SLC4A7: variants seen among roughly 807,000 people sequenced by gnomAD.
The protein encoded by SLC4A7 is solute carrier family 4 member 7, also known as sodium bicarbonate cotransporter 3.
SLC4A7 carries 51 observed loss-of-function variants against 137.6 expected under a neutral mutation model. The ratio of observed to expected loss-of-function variants is 0.37; its 90% CI spans 0.30 to 0.47. The LOEUF is 0.47. SLC4A7 is among the 20% of genes least tolerant of loss of function. The pLI, the probability that SLC4A7 is intolerant of heterozygous loss-of-function variation, is 1.00. For synonymous variants in SLC4A7, 542 were observed against 518.6 expected (o/e 1.05, Z -0.61); for missense variants, 1,247 against 1,525.4 (o/e 0.82, Z 3.04).
At chr3:27,438,158 C>G (rs112014088) in intron 3 of SLC4A7, among the ~76,000 whole-genome samples, 1 of 146,740 alleles carries the variant, frequency 6.8e-6, no homozygotes, top group Non-Finnish European at 1.5e-5. Context: ...GATTGTGCCA[C>G]TGCACTCCAG....
At chr3:27,447,250 G>A (rs985114006) in intron 3 of SLC4A7, among the ~76,000 whole-genome samples, 1 of 151,782 alleles carries the variant, frequency 6.6e-6, no homozygotes, top group Non-Finnish European at 1.5e-5. Context: ...TCTATAAAAT[G>A]AATTTAATAT....
intron 3 of SLC4A7, among the ~76,000 whole-genome samples, chr3:27,448,216 CA>C (rs34846975): frequency 0.064 from 6,714 of 104,284 alleles, 489 homozygotes; most frequent in African/African-American, 0.22. Flanking sequence ...GACTCCATCT[CA>C]AAAAAAAAAA....
intron 1 of SLC4A7, among the ~76,000 whole-genome samples, chr3:27,470,202 C>G (rs1346565422): frequency 6.6e-6 from 1 of 151,806 alleles, no homozygotes; most frequent in Non-Finnish European, 1.5e-5. Context: ...ACTGACTAAA[C>G]AGTCTTGCTA....
intron 20 of SLC4A7, among the ~76,000 whole-genome samples, chr3:27,392,908 A>G (rs2051723449): frequency 4.6e-5 from 7 of 152,182 alleles, no homozygotes; most frequent in Admixed American, 1.3e-4. Flanking sequence ...AAATATCAAA[A>G]TAACTAAAAT....
At chr3:27,409,653 C>T (rs2053714459) in intron 12 of SLC4A7, 123 bp from the exon 13 acceptor site, 1 of 636,426 alleles carries the variant, frequency 1.6e-6, no homozygotes, top group African/African-American at 1.8e-5. Context: ...ATGTTAAATC[C>T]AATTTAACTT....
intron 15 of SLC4A7, among the ~76,000 whole-genome samples, chr3:27,401,508 G>A (rs969742083): frequency 6.6e-6 from 1 of 152,152 alleles, no homozygotes; most frequent in African/African-American, 2.4e-5. Context: ...AATCATGAAT[G>A]TTCCAAACTA....
intron 10 of SLC4A7, among the ~76,000 whole-genome samples, chr3:27,420,375 A>G (rs1460420449): frequency 6.6e-6 from 1 of 152,064 alleles, no homozygotes; most frequent in Non-Finnish European, 1.5e-5. Flanking sequence ...CAGGAAAAAA[A>G]ATGTTCTGAG....
intron 24 of SLC4A7, among the ~76,000 whole-genome samples, chr3:27,382,031 C>T (rs1435492890): frequency 6.6e-6 from 1 of 152,092 alleles, no homozygotes; most frequent in Non-Finnish European, 1.5e-5. Flanking sequence ...CACACCATTC[C>T]ACTCCAGCCT....
At chr3:27,414,270 A>T (rs1464913705) in intron 11 of SLC4A7, among the ~76,000 whole-genome samples, 1 of 151,992 alleles carries the variant, frequency 6.6e-6, no homozygotes, top group Non-Finnish European at 1.5e-5. Context: ...GCAAGAGCGA[A>T]GCTCCATCTC....
intron 1 of SLC4A7, among the ~76,000 whole-genome samples, chr3:27,459,150 C>G (rs2058563761): frequency 6.6e-6 from 1 of 152,076 alleles, no homozygotes; most frequent in Non-Finnish European, 1.5e-5. Flanking sequence ...AAACCATAAG[C>G]ATAGGGATTT....
chr3:27,446,752 A>C (rs2057667803), intron 3 of SLC4A7, among the ~76,000 whole-genome samples: 1 of 152,136 alleles, frequency 6.6e-6, no homozygotes, highest in South Asian at 2.1e-4. Context: ...CACCAAAAAA[A>C]AGTTCACTAG....
chr3:27,444,293 A>G (rs2057428505), intron 3 of SLC4A7, among the ~76,000 whole-genome samples: 1 of 152,084 alleles, frequency 6.6e-6, no homozygotes, highest in Admixed American at 6.5e-5. Flanking sequence ...ATGAGCCATT[A>G]TATGTTTTCT....
At chr3:27,448,952 C>T (rs2057872170) in intron 2 of SLC4A7, among the ~76,000 whole-genome samples, 155 bp from the exon 3 acceptor site, 1 of 152,176 alleles carries the variant, frequency 6.6e-6, no homozygotes, top group African/African-American at 2.4e-5. Flanking sequence ...TAAAGCACTA[C>T]ACAGAATATT....
At chr3:27,412,675 A>T (rs1050559631) in intron 11 of SLC4A7, among the ~76,000 whole-genome samples, 4 of 152,198 alleles carry the variant, frequency 2.6e-5, no homozygotes, top group African/African-American at 9.6e-5. Context: ...AAATAATTTT[A>T]AAAACTACAA....
intron 10 of SLC4A7, among the ~76,000 whole-genome samples, chr3:27,419,451 C>T (rs1576340572): frequency 6.6e-6 from 1 of 151,580 alleles, no homozygotes; most frequent in Non-Finnish European, 1.5e-5. Flanking sequence ...GCCTGTAATC[C>T]CAGCTACTCA....
intron 1 of SLC4A7, among the ~76,000 whole-genome samples, chr3:27,476,157 G>C (rs1243643462): frequency 6.6e-6 from 1 of 152,078 alleles, no homozygotes; most frequent in Non-Finnish European, 1.5e-5. Flanking sequence ...AAAATACCCA[G>C]TTTTCCAACA....
chr3:27,444,745 C>A (rs2057461737), intron 3 of SLC4A7, among the ~76,000 whole-genome samples: 1 of 152,100 alleles, frequency 6.6e-6, no homozygotes, highest in South Asian at 2.1e-4. Flanking sequence ...CTTTAACATT[C>A]TTATTTTCTA....
At chr3:27,480,583 C>T (rs1355529078) in intron 1 of SLC4A7, among the ~76,000 whole-genome samples, 1 of 152,072 alleles carries the variant, frequency 6.6e-6, no homozygotes, top group Non-Finnish European at 1.5e-5. Context: ...CCATGGATTG[C>T]GGCCCAGAGA....
At chr3:27,465,975 G>T (rs1327689720) in intron 1 of SLC4A7, among the ~76,000 whole-genome samples, 1 of 146,364 alleles carries the variant, frequency 6.8e-6, no homozygotes. Flanking sequence ...AAGAAAGAAA[G>T]AAAGAAAGAA....
Sources: gnomAD v4.1 joint callset for allele counts (sites outside exome capture counted in the v4.1 genomes callset) on GRCh38, gnomAD v4.1.1 for gene constraint, MANE v1.5 for transcripts, NCBI Gene and HGNC (gene_info 2026-07-23, HGNC 2026-07-21) for gene names.